Variants in SLC35B1 observed in about 807,000 individuals in gnomAD.
SLC35B1 encodes the protein ATP/ADP exchanger ER.
SLC35B1 carries 27 observed loss-of-function variants against 36.6 expected under a neutral mutation model. That is an observed-to-expected ratio of 0.74 (90% CI 0.54 to 1.02). The LOEUF (loss-of-function observed/expected upper bound fraction) is 1.02, where lower values mean the gene tolerates loss of function less well. Among genes scored for constraint, SLC35B1 ranks in the 50% least tolerant of loss-of-function variants. SLC35B1 has a pLI of 0.00. For synonymous variants in SLC35B1, 162 were observed against 152.5 expected (o/e 1.06, Z -0.46); for missense variants, 321 against 383.2 (o/e 0.84, Z 1.35).
Position 49,702,891 on chromosome 17 carries a change from T to G in SLC35B1, c.883A>C (p.Met295Leu). The change falls in exon 8 of 9, where the codon ATG becomes CTG. Residue 295 changes from methionine (M) to leucine (L), a missense_variant. By Grantham distance (15) the Met-to-Leu change is conservative. Transcript: ENST00000240333. ...VILFANPISPMQWVGTVLVFL... is the reference protein window; with the variant it reads ...VILFANPISPLQWVGTVLVFL... ...ACAAGCACAGTGCCCACCCACTGCA[T>G]GGGGCTGATGGGATTGGCGAAGAGG... 4.3e-6 allele frequency: 7 copies of G among 1,614,132 alleles called. No individual in the cohort carries two copies. Among genetic ancestry groups the G allele is most frequent in the Non-Finnish European group, 5.9e-6 (7 of 1,180,014 alleles).
Position 49,707,054 on chromosome 17 carries a change from T to C in SLC35B1, c.119A>G (p.Tyr40Cys). 1 of 1,613,420 alleles carries C rather than the reference T, an allele frequency of 6.2e-7. No individual in the cohort carries two copies. The highest frequency in any genetic ancestry group is 8.5e-7 in the Non-Finnish European group (1 of 1,179,488). The change falls in exon 2 of 9, where the codon TAT becomes TGT. Residue 40 changes from tyrosine (Y) to cysteine (C), a missense_variant. By Grantham distance (194) the Tyr-to-Cys change is radical. Coordinates refer to ENST00000240333, the MANE Select transcript of SLC35B1 (RefSeq NM_005827.4). ...ILQEKITRGK[Y>C]GEGAKQETFT... ...CGTCTCCTGCTTGGCTCCTTCCCCA[T>C]ACTTTCCTCTTGTTCTAGAAATGAA...
chr17:49,707,594 G>A (rs2073435531), intron 1 of SLC35B1, 136 bp downstream of exon 1: 1 of 1,449,276 alleles, frequency 6.9e-7, no homozygotes, highest in Non-Finnish European at 9.2e-7. Flanking sequence ...AGCCATAGCT[G>A]CAAAAGTAGT....
In SLC35B1 at chr17:49,707,881, GCAGCAGCGGCGGCGGAGGCGACAGCTC is replaced by G; in HGVS notation, c.-75_-49del. 1 of 1,605,806 alleles carries G rather than the reference GCAGCAGCGGCGGCGGAGGCGACAGCTC, an allele frequency of 6.2e-7. No homozygotes were observed. The highest frequency in any genetic ancestry group is 8.5e-7 in the Non-Finnish European group (1 of 1,177,012). On this transcript the variant is annotated 5_prime_UTR_variant, in exon 1 of 9. Transcript: ENST00000240333. Reference sequence around the variant, plus strand: ...GGAGACCCGCTCACAACCGGCACCGGCAGCAGCGGCGGCGGAGGCGACAGCTCCAGCCGGACATCGCCGACCGGCGGC... The same window carrying G: ...GGAGACCCGCTCACAACCGGCACCGGCAGCCGGACATCGCCGACCGGCGGC...
Position 49,706,225 on chromosome 17 carries a change from C to T in SLC35B1, c.318G>A (p.Gln106=). 1 of 1,601,590 alleles carries T rather than the reference C, an allele frequency of 6.2e-7. No individual in the cohort carries two copies. The highest frequency in any genetic ancestry group is 8.5e-7 in the Non-Finnish European group (1 of 1,177,200). Reference sequence around the variant, plus strand: ...TCACCTGAGTTGGGTAGTTGACAAACTGTAGTGCTGAATTGCTGGAGACCA... The same window carrying T: ...TCACCTGAGTTGGGTAGTTGACAAATTGTAGTGCTGAATTGCTGGAGACCA... ...GAMVSSNSAL[Q]FVNYPTQVLG... is the part of the protein sequence containing the mutation. The change falls in exon 3 of 9, where the codon CAG becomes CAA. Residue 106 remains glutamine, a synonymous_variant. Coordinates refer to ENST00000240333, the MANE Select transcript of SLC35B1 (RefSeq NM_005827.4).
chr17:49,703,286 A>G lies in SLC35B1; in HGVS notation c.664T>C (p.Phe222Leu), dbSNP rs2073374109. The G allele has an allele frequency of 5.6e-6, 9 of 1,611,560 alleles. No individual in the cohort carries two copies. The highest frequency in any genetic ancestry group is 7.6e-6 in the Non-Finnish European group (9 of 1,177,956). Reference sequence around the variant, plus strand: ...AAGAACTCCCAGAGCTCCCCAGTGAACAGGATTCCTGAGAAGACATGTCAA... The same window carrying G: ...AAGAACTCCCAGAGCTCCCCAGTGAGCAGGATTCCTGAGAAGACATGTCAA... ...STLLLGMGIL[F>L]TGELWEFLSF... The change falls in exon 7 of 9, where the codon TTC becomes CTC. Residue 222 changes from phenylalanine to leucine, a missense_variant. By Grantham distance (22) the Phe-to-Leu change is conservative (BLOSUM62 0). Coordinates refer to ENST00000240333, the MANE Select transcript of SLC35B1 (RefSeq NM_005827.4).
chr17:49,703,824 A>C (rs1401474389), intron 6 of SLC35B1: 1 of 421,488 alleles, frequency 2.4e-6, no homozygotes, highest in Non-Finnish European at 4.5e-6. Context: ...CCCTCATGAA[A>C]GGGAAAGTTC....
chr17:49,707,153 T>C (rs2073429486), intron 1 of SLC35B1, 85 bp from the exon 2 acceptor site: 1 of 1,411,628 alleles, frequency 7.1e-7, no homozygotes, highest in Non-Finnish European at 9.9e-7. Context: ...CACTGAAAAC[T>C]TTAAAATTAT....
In SLC35B1 at chr17:49,703,062, G is replaced by A. The variant is rs573448327; in HGVS notation, c.763-51C>T. 146 of 1,609,530 alleles carry A rather than the reference G, an allele frequency of 9.1e-5. 5 individuals are homozygous for A. In the South Asian group the frequency reaches 1.5e-3, roughly 16 times the overall value. Reference sequence around the variant, plus strand: ...GGTGGGCTTCTGGGTATCTGCCATTGGTCTAAAGTCTATAAACAGACCTCA... The same window carrying A: ...GGTGGGCTTCTGGGTATCTGCCATTAGTCTAAAGTCTATAAACAGACCTCA... On this transcript the variant is annotated intron_variant, in intron 7 of 8. Coordinates refer to ENST00000240333, the MANE Select transcript of SLC35B1 (RefSeq NM_005827.4).
Position 49,704,062 on chromosome 17 carries a change from T to C in SLC35B1, c.655+38A>G, listed in dbSNP as rs776990535. 15 of 1,613,220 alleles carry C rather than the reference T, an allele frequency of 9.3e-6. No individual in the cohort carries two copies. The East Asian group carries it at 2.9e-4, about 31-fold the overall frequency. On this transcript the variant is annotated intron_variant, in intron 6 of 8. Transcript: ENST00000240333. ...AAAAGGATGAGGGCAGCCTGCCCTC[T>C]GGTGATACATGGGAAGAACAGCAGA...
At position 49,707,049 on chromosome 17, in the gene SLC35B1, C is replaced by T; in HGVS notation, c.124G>A (p.Glu42Lys). 1.9e-6 allele frequency: 3 copies of T among 1,613,588 alleles called. No homozygotes were observed. Among genetic ancestry groups the T allele is most frequent in the Non-Finnish European group, 1.7e-6 (2 of 1,179,624 alleles). The change falls in exon 2 of 9, where the codon GAA becomes AAA. Residue 42 changes from glutamate to lysine, a missense_variant. Transcript: ENST00000240333. ...QEKITRGKYG[E>K]GAKQETFTFA... Reference sequence around the variant, plus strand: ...GTGAACGTCTCCTGCTTGGCTCCTTCCCCATACTTTCCTCTTGTTCTAGAA... The same window carrying T: ...GTGAACGTCTCCTGCTTGGCTCCTTTCCCATACTTTCCTCTTGTTCTAGAA...
At position 49,706,999 on chromosome 17, in the gene SLC35B1, A is replaced by G; in HGVS notation, c.174T>C (p.Ile58=). The change falls in exon 2 of 9, where the codon ATT becomes ATC. Residue 58 remains isoleucine, a synonymous_variant. Transcript: ENST00000240333. The part of the protein sequence containing the change: ...TFTFALTLVF[I]QCVINAVFAK... ...CAAACACAGCATTGATCACACATTG[A>G]ATGAAGACCAAAGTTAAGGCAAAGG... 1.2e-6 allele frequency: 2 copies of G among 1,614,080 alleles called. No individual in the cohort carries two copies. The highest frequency in any genetic ancestry group is 1.7e-6 in the Non-Finnish European group (2 of 1,179,966).
chr17:49,706,861 A>T (rs976413735), intron 2 of SLC35B1, 104 bp downstream of exon 2: 8 of 789,370 alleles, frequency 1.0e-5, no homozygotes, highest in Admixed American at 3.9e-5. Flanking sequence ...AATGGGGTGG[A>T]GATCATGAGT....
chr17:49,702,708 C>T (rs2073366270), intron 8 of SLC35B1, 150 bp downstream of exon 8: 4 of 786,214 alleles, frequency 5.1e-6, no homozygotes, highest in Non-Finnish European at 7.9e-6. Flanking sequence ...TACCACTGCA[C>T]TCACTCCAGC....
rs1264462971 is a variant in SLC35B1 at position 49,707,357 on chromosome 17, G to A, written c.105-289C>T. The A allele has an allele frequency of 2.1e-6, 3 of 1,431,130 alleles. No homozygotes were observed. In the Admixed American group the frequency reaches 6.3e-5, roughly 30 times the overall value. 88.7% of individuals were successfully genotyped at this position (1,431,130 alleles called of 1,614,324 possible). ...AAATCAGGTACCCCAGGCAGGAGGAGACGGTATTTCGGCTATGGCACCAAG... is the reference window on the plus strand; with the variant it reads ...AAATCAGGTACCCCAGGCAGGAGGAAACGGTATTTCGGCTATGGCACCAAG... On this transcript the variant is annotated intron_variant, in intron 1 of 8. Transcript: ENST00000240333.
chr17:49,706,077 T>A, intron 3 of SLC35B1, 127 bp downstream of exon 3: 1 of 1,311,750 alleles, frequency 7.6e-7, no homozygotes, highest in Non-Finnish European at 1.0e-6. Flanking sequence ...TTCTATACAC[T>A]CCCAATGTCT....
At chr17:49,706,122 T>TTTAAAAAAAAA in intron 3 of SLC35B1, 82 bp downstream of exon 3, 2 of 1,239,704 alleles carry the variant, frequency 1.6e-6, no homozygotes, top group Non-Finnish European at 2.2e-6. Flanking sequence ...TTTTTTTTTT[T>TTTAAAAAAAAA]AACTCACAGA....
rs951561993 is a variant in SLC35B1, at chr17:49,704,110, C to A, written c.645G>T (p.Leu215=). The A allele has an allele frequency of 5.0e-6, 8 of 1,614,144 alleles. No individual in the cohort carries two copies. Among genetic ancestry groups the A allele is most frequent in the Non-Finnish European group, 6.8e-6 (8 of 1,179,998 alleles). ...MLNINLWSTL[L]LGMGILFTGE... ...AGAACTGGCTCTCACCCATTCCCAGCAGCAATGTCGACCAAAGGTTGATGT... is the reference window on the plus strand; with the variant it reads ...AGAACTGGCTCTCACCCATTCCCAGAAGCAATGTCGACCAAAGGTTGATGT... The change falls in exon 6 of 9, where the codon CTG becomes CTT. Residue 215 remains leucine, a synonymous_variant. Coordinates refer to ENST00000240333, the MANE Select transcript of SLC35B1 (RefSeq NM_005827.4).
At chr17:49,701,741 T>A in intron 8 of SLC35B1, 2 of 461,302 alleles carry the variant, frequency 4.3e-6, no homozygotes, top group Non-Finnish European at 7.8e-6. Flanking sequence ...GAGATACAGA[T>A]AGATATAGAT....
Position 49,701,229 on chromosome 17 carries a change from CCT to C in SLC35B1, c.*227_*228del. 2.2e-6 allele frequency: 1 copy of C among 461,502 alleles called. No individual in the cohort carries two copies. Among genetic ancestry groups the C allele is most frequent in the Admixed American group, 3.4e-5 (1 of 29,420 alleles). 28.6% of individuals were successfully genotyped at this position (461,502 alleles called of 1,614,324 possible). On this transcript the variant is annotated 3_prime_UTR_variant, in exon 9 of 9. Coordinates refer to ENST00000240333, the MANE Select transcript of SLC35B1 (RefSeq NM_005827.4). ...AACATCCAGCTCTGCCTCTTCCCTC[CCT>C]CTTTTATTTACCATAGACTGCTCCA... is the stretch of plus-strand genomic sequence containing the variant.
Sources: allele counts gnomAD v4.1 joint callset, GRCh38; gene constraint gnomAD v4.1.1; transcripts MANE v1.5; gene names NCBI Gene and HGNC (gene_info 2026-07-23, HGNC 2026-07-21).